LHFPL4: variants seen among roughly 807,000 people sequenced by gnomAD.
The protein encoded by LHFPL4 is LHFPL tetraspan subfamily member 4, also known as LHFPL tetraspan subfamily member 4 protein.
LHFPL4 carries 6 observed loss-of-function variants against 20.0 expected under a neutral mutation model. That is an observed-to-expected ratio of 0.30 (90% CI 0.16 to 0.59). The LOEUF is 0.59. Among genes scored for constraint, LHFPL4 ranks in the 20% least tolerant of loss-of-function variants. LHFPL4 has a pLI of 0.88. For missense variants in LHFPL4, 215 were observed against 331.2 expected (o/e 0.65, Z 2.72); for synonymous variants, 129 against 143.8 (o/e 0.90, Z 0.74).
At chr3:9,507,924 T>C (rs2046230082) in intron 2 of LHFPL4, among the ~76,000 whole-genome samples, 1 of 152,218 alleles carries the variant, frequency 6.6e-6, no homozygotes. Context: ...GGCCCTCGTA[T>C]TGCCAGTCCT....
chr3:9,516,469 T>C (rs1047991027), intron 2 of LHFPL4, among the ~76,000 whole-genome samples: 35 of 152,012 alleles, frequency 2.3e-4, no homozygotes, highest in Non-Finnish European at 3.8e-4. Context: ...AGTACCACAC[T>C]GTCTTTTTTT....
chr3:9,552,249 G>A (rs1326031184), intron 2 of LHFPL4, 25 bp downstream of exon 2: 1 of 1,567,612 alleles, frequency 6.4e-7, no homozygotes, highest in South Asian at 1.2e-5. Context: ...CTTGTTCTGG[G>A]AGTTCCGTCC....
At chr3:9,545,424 A>T (rs758353126) in intron 2 of LHFPL4, among the ~76,000 whole-genome samples, 1 of 152,158 alleles carries the variant, frequency 6.6e-6, no homozygotes. Context: ...CAGGCCGGTA[A>T]TTCCAGCACT....
chr3:9,502,335 AAG>A (rs748918981), intron 3 of LHFPL4, 24 bp from the exon 4 acceptor site: 35 of 1,449,650 alleles, frequency 2.4e-5, no homozygotes, highest in Non-Finnish European at 3.2e-5. Flanking sequence ...AGAGAGAGAG[AAG>A]GAGAGAGAAT....
intron 2 of LHFPL4, among the ~76,000 whole-genome samples, chr3:9,522,792 A>C (rs2046346830): frequency 6.6e-6 from 1 of 151,838 alleles, no homozygotes; most frequent in South Asian, 2.1e-4. Flanking sequence ...CTGTAATCCC[A>C]GCACTTTGGG....
chr3:9,530,128 C>T (rs2046400311), intron 2 of LHFPL4, among the ~76,000 whole-genome samples: 1 of 152,178 alleles, frequency 6.6e-6, no homozygotes, highest in Non-Finnish European at 1.5e-5. Context: ...CTTAAAGTCA[C>T]CAGCTGCATG....
chr3:9,553,607 T>A (rs1373065315), intron 1 of LHFPL4, 78 bp downstream of exon 1: 1 of 70,858 alleles, frequency 1.4e-5, no homozygotes, highest in South Asian at 4.6e-4. Context: ...GGGCCGGGGT[T>A]GGGGGGGCGG....
At chr3:9,519,806 G>C (rs972841620) in intron 2 of LHFPL4, among the ~76,000 whole-genome samples, 1 of 151,946 alleles carries the variant, frequency 6.6e-6, no homozygotes, top group African/African-American at 2.4e-5. Context: ...TTCTGCCTCA[G>C]CCTGAGTATA....
intron 2 of LHFPL4, among the ~76,000 whole-genome samples, chr3:9,524,007 A>G (rs537428522): frequency 3.6e-4 from 45 of 125,878 alleles, no homozygotes; most frequent in African/African-American, 1.3e-3. Flanking sequence ...CACTTTAAAT[A>G]TTTCACTCCA....
intron 2 of LHFPL4, among the ~76,000 whole-genome samples, chr3:9,532,002 G>A (rs944311766): frequency 4.7e-4 from 72 of 152,182 alleles, no homozygotes; most frequent in African/African-American, 1.7e-3. Flanking sequence ...TTTTCATAAT[G>A]CATTTTATGC....
chr3:9,523,536 G>A lies in LHFPL4; in HGVS notation c.407-17333C>T, dbSNP rs572329352. Among the ~76,000 whole-genome samples, 22 of 150,450 alleles carry A rather than the reference G, an allele frequency of 1.5e-4. 1 individual carries two copies. In the South Asian group the frequency reaches 4.3e-3, roughly 30 times the overall value. The stretch of plus-strand genomic sequence containing the variant: ...CCGCCAGGCTGGAATGCAGTGGTGC[G>A]ATTTCAGCTCACTGCAACCTCCGCC... On this transcript the variant is annotated intron_variant, in intron 2 of 3. Coordinates refer to ENST00000287585, the MANE Select transcript of LHFPL4 (RefSeq NM_198560.3).
intron 2 of LHFPL4, among the ~76,000 whole-genome samples, chr3:9,543,148 T>C (rs540069487): frequency 6.6e-6 from 1 of 152,246 alleles, no homozygotes; most frequent in Admixed American, 6.5e-5. Context: ...CTTCTTCCTT[T>C]TTCTCTCTCG....
intron 2 of LHFPL4, among the ~76,000 whole-genome samples, chr3:9,518,827 C>T (rs1165971660): frequency 6.6e-6 from 1 of 150,598 alleles, no homozygotes; most frequent in African/African-American, 2.5e-5. Flanking sequence ...TACAATGGCT[C>T]ACTGCAACCT....
chr3:9,507,994 C>A (rs1015557421), intron 2 of LHFPL4, among the ~76,000 whole-genome samples: 1 of 152,194 alleles, frequency 6.6e-6, no homozygotes, highest in African/African-American at 2.4e-5. Flanking sequence ...TGTTTGGAAC[C>A]GTGGGGACCT....
At chr3:9,535,989 G>A (rs1468380865) in intron 2 of LHFPL4, among the ~76,000 whole-genome samples, 3 of 151,900 alleles carry the variant, frequency 2.0e-5, no homozygotes, top group African/African-American at 7.3e-5. Flanking sequence ...TTTTTAGAGA[G>A]GGGGTTTCAT....
chr3:9,552,148 C>G (rs1280466836), intron 2 of LHFPL4, 126 bp downstream of exon 2: 29 of 1,292,272 alleles, frequency 2.2e-5, no homozygotes, highest in Non-Finnish European at 2.8e-5. Flanking sequence ...GGTCCGTCAG[C>G]CAAAGAGGTG....
In LHFPL4 at chr3:9,552,733, G is replaced by A; in HGVS notation, c.-54C>T. 9.1e-7 allele frequency: 1 copy of A among 1,101,166 alleles called. No homozygotes were observed. Among genetic ancestry groups the A allele is most frequent in the Middle Eastern group, 3.9e-4 (1 of 2,566 alleles). The allele number at this position is 1,101,166 out of a possible 1,614,324, so 68.2% of individuals were successfully genotyped here. A position where few individuals can be genotyped will look rare whatever the true frequency, so the allele number is the denominator to read the frequency against. On this transcript the variant is annotated 5_prime_UTR_variant, in exon 2 of 4. Transcript: ENST00000287585. The stretch of plus-strand genomic sequence containing the variant: ...GGCGGCTGGCGGGGGCCGCCGGCCC[G>A]GGACGGAGCGCCGGGCTGCCGGGCG...
intron 2 of LHFPL4, among the ~76,000 whole-genome samples, chr3:9,511,385 T>A (rs1317121979): frequency 6.7e-6 from 1 of 150,034 alleles, no homozygotes; most frequent in Non-Finnish European, 1.5e-5. Flanking sequence ...TGGGAAAAAA[T>A]ACCACCCTCA....
chr3:9,541,303 A>T lies in LHFPL4; in HGVS notation c.406+10971T>A, dbSNP rs957970393. Among the ~76,000 whole-genome samples, 6 of 152,340 alleles carry T rather than the reference A, an allele frequency of 3.9e-5. No homozygotes were observed. The East Asian group carries it at 1.2e-3, about 29-fold the overall frequency. ...AAGGATAGACATATAGACCAATGGA[A>T]TAGAATTGAGAGTCTAGAAAGCAAT... On this transcript the variant is annotated intron_variant, in intron 2 of 3. Coordinates refer to ENST00000287585, the MANE Select transcript of LHFPL4 (RefSeq NM_198560.3).
Sources: gnomAD v4.1 joint callset for allele counts (sites outside exome capture counted in the v4.1 genomes callset) on GRCh38, gnomAD v4.1.1 for gene constraint, MANE v1.5 for transcripts, NCBI Gene and HGNC (gene_info 2026-07-23, HGNC 2026-07-21) for gene names.